Variants in ASAH1 observed in about 807,000 individuals in gnomAD.
ASAH1 encodes acid ceramidase.
Under a neutral mutation model 59.5 loss-of-function variants are expected in ASAH1, and 70 were observed. The ratio of observed to expected loss-of-function variants is 1.18; its 90% CI spans 0.97 to 1.43. ASAH1 has a LOEUF of 1.43. Among genes scored for constraint, ASAH1 ranks in the 40% most tolerant of loss-of-function variants. The pLI is 0.00. For missense variants in ASAH1, 660 were observed against 482.5 expected, an observed-to-expected ratio of 1.37 and a Z score of -3.45; for synonymous variants, 213 against 166.5, an observed-to-expected ratio of 1.28 and a Z score of -2.15.
rs191293538 is a variant in ASAH1 at position 18,075,516 on chromosome 8, T to C, written c.125+25A>G. 3 of 1,612,552 alleles carry C rather than the reference T, an allele frequency of 1.9e-6. No individual in the cohort carries two copies. The East Asian group carries it at 6.7e-5, about 36-fold the overall frequency. On this transcript the variant is annotated intron_variant, in intron 2 of 13. Transcript: ENST00000637790. The stretch of plus-strand genomic sequence containing the variant: ...AAAACTTCACAAAGGTCAAAGGGAG[T>C]TTTGATCATCTGATGTTTACTCACG...
intron 1 of ASAH1, among the ~76,000 whole-genome samples, chr8:18,080,848 G>A (rs749012329): frequency 6.6e-6 from 1 of 152,132 alleles, no homozygotes; most frequent in African/African-American, 2.4e-5. Context: ...ATGAGCCACC[G>A]CGCCCGGCCT....
chr8:18,061,631 C>A (rs1479457743), intron 9 of ASAH1, 55 bp downstream of exon 9: 31 of 1,552,336 alleles, frequency 2.0e-5, no homozygotes, highest in South Asian at 1.0e-4. Flanking sequence ...ACAGTCCAGC[C>A]TTCCTCATAA....
chr8:18,082,731 T>C (rs747903452), intron 1 of ASAH1: 2 of 152,156 alleles, frequency 1.3e-5, no homozygotes, highest in Non-Finnish European at 2.9e-5. Context: ...TCGCTCATGG[T>C]GTGTGGTCTC....
At chr8:18,067,350 TATATA>T (rs776924619) in intron 4 of ASAH1, 52 bp from the exon 5 acceptor site, 52 of 1,086,086 alleles carry the variant, frequency 4.8e-5, no homozygotes, top group African/African-American at 3.7e-4. Context: ...CAATAAAAAA[TATATA>T]ATATAATATA....
chr8:18,075,339 T>G lies in ASAH1; in HGVS notation c.125+202A>C, dbSNP rs529495116. 8 of 692,522 alleles carry G rather than the reference T, an allele frequency of 1.2e-5. No homozygotes were observed. The South Asian group carries it at 1.2e-4, about 11-fold the overall frequency. 42.9% of individuals were successfully genotyped at this position (692,522 alleles called of 1,614,324 possible). A position where few individuals can be genotyped will look rare whatever the true frequency, so the allele number is the denominator to read the frequency against. On this transcript the variant is annotated intron_variant, in intron 2 of 13. Coordinates refer to ENST00000637790, the MANE Select transcript of ASAH1 (RefSeq NM_177924.5). ...GATTTTGATAGTCTAGCGACGGGCA[T>G]TTGAATCGGAAGATATTTTCATATT...
chr8:18,057,459 C>T lies in ASAH1; in HGVS notation c.*75G>A. 2 of 1,194,798 alleles carry T rather than the reference C, an allele frequency of 1.7e-6. No homozygotes were observed. Among genetic ancestry groups the T allele is most frequent in the Non-Finnish European group, 2.4e-6 (2 of 821,444 alleles). The allele number at this position is 1,194,798 out of a possible 1,614,324, so 74.0% of individuals were successfully genotyped here. A position where few individuals can be genotyped will look rare whatever the true frequency, so the allele number is the denominator to read the frequency against. The stretch of plus-strand genomic sequence containing the variant: ...GAGTCTTAGTCTTTGGAAGGTCAGA[C>T]AGCTGCAGTGTTCGGTCACATGGAG... On this transcript the variant is annotated 3_prime_UTR_variant, in exon 14 of 14. Coordinates refer to ENST00000637790, the MANE Select transcript of ASAH1 (RefSeq NM_177924.5).
intron 10 of ASAH1, chr8:18,060,447 C>T (rs1410058512): frequency 1.3e-5 from 2 of 152,532 alleles, no homozygotes; most frequent in Non-Finnish European, 2.9e-5. Flanking sequence ...ATCTTCCACC[C>T]TTACTGTCCA....
At chr8:18,059,266 C>G in intron 12 of ASAH1, 75 bp downstream of exon 12, 2 of 1,606,104 alleles carry the variant, frequency 1.2e-6, no homozygotes, top group Non-Finnish European at 1.7e-6. Context: ...TACTTGAAGG[C>G]CAAAGAAAAA....
chr8:18,059,478 G>C lies in ASAH1; in HGVS notation c.918-14C>G, dbSNP rs2117018077. 1 of 1,614,130 alleles carries C rather than the reference G, an allele frequency of 6.2e-7. No individual in the cohort carries two copies. The highest frequency in any genetic ancestry group is 2.2e-5 in the East Asian group (1 of 44,876). On this transcript the variant is annotated splice_polypyrimidine_tract_variant and intron_variant, in intron 11 of 13. Coordinates refer to ENST00000637790, the MANE Select transcript of ASAH1 (RefSeq NM_177924.5). ...TTAGCATCGAGTCTAGATACAAAAG[G>C]AGAGATTCCCTCTTAGGCTACATGC... is the stretch of plus-strand genomic sequence containing the variant.
intron 13 of ASAH1, 93 bp from the exon 14 acceptor site, chr8:18,057,716 A>C: frequency 2.6e-6 from 2 of 782,250 alleles, no homozygotes; most frequent in Non-Finnish European, 2.0e-6. Context: ...AATTTGCTTT[A>C]GAAGTTATTT....
intron 1 of ASAH1, among the ~76,000 whole-genome samples, chr8:18,078,638 AATT>A (rs1163467679): frequency 6.6e-6 from 1 of 152,224 alleles, no homozygotes; most frequent in Non-Finnish European, 1.5e-5. Context: ...CCTAAAACAG[AATT>A]ATAATGAACT....
In ASAH1 at chr8:18,061,453, G is replaced by C; in HGVS notation, c.709C>G (p.Leu237Val). Residue 237 changes from leucine to valine, a missense_variant, in exon 10 of 14, where the codon CTA becomes GTA. Physicochemically the swap from Leu to Val is conservative, Grantham distance 32 (BLOSUM62 1). Coordinates refer to ENST00000637790, the MANE Select transcript of ASAH1 (RefSeq NM_177924.5). ...FSINGGYLGI[L>V]EWILGKKDVM... Reference sequence around the variant, plus strand: ...TCTTTCTTTCCCAGAATCCATTCTAGAATACCTGGAAGAGATGAACACAAT... The same window carrying C: ...TCTTTCTTTCCCAGAATCCATTCTACAATACCTGGAAGAGATGAACACAAT... 1 of 1,610,938 alleles carries C rather than the reference G, an allele frequency of 6.2e-7. No individual in the cohort carries two copies.
chr8:18,081,649 G>A (rs1239652968), intron 1 of ASAH1, among the ~76,000 whole-genome samples: 1 of 152,174 alleles, frequency 6.6e-6, no homozygotes, highest in Non-Finnish European at 1.5e-5. Context: ...ATTGTGAAAA[G>A]CCTCAAAAAC....
At chr8:18,070,212 C>T (rs1010906309) in intron 3 of ASAH1, among the ~76,000 whole-genome samples, 5 of 152,018 alleles carry the variant, frequency 3.3e-5, no homozygotes, top group East Asian at 1.9e-4. Context: ...TGCAATGGCA[C>T]GATCTCTGCT....
chr8:18,073,329 T>A lies in ASAH1; in HGVS notation c.126-1939A>T, dbSNP rs191876881. ...AACACTTAGCAGCATTGGTATTCAATCAACAGTAGTCATCACAATTTATTT... is the reference window on the plus strand; with the variant it reads ...AACACTTAGCAGCATTGGTATTCAAACAACAGTAGTCATCACAATTTATTT... On this transcript the variant is annotated intron_variant, in intron 2 of 13. Coordinates refer to ENST00000637790, the MANE Select transcript of ASAH1 (RefSeq NM_177924.5). 1.0e-4 allele frequency: 146 copies of A among 1,451,182 alleles called. No individual in the cohort carries two copies. The Middle Eastern group carries it at 1.1e-3, about 11-fold the overall frequency. 89.9% of individuals were successfully genotyped at this position (1,451,182 alleles called of 1,614,324 possible).
intron 5 of ASAH1, 124 bp downstream of exon 5, chr8:18,067,096 C>CATA (rs1799957490): frequency 1.3e-4 from 17 of 135,738 alleles, no homozygotes; most frequent in Non-Finnish European, 3.1e-4. Context: ...ATATCTAAGA[C>CATA]CTGTGCACCT....
intron 2 of ASAH1, 133 bp from the exon 3 acceptor site, chr8:18,071,523 TG>T: frequency 1.6e-6 from 1 of 627,232 alleles, no homozygotes; most frequent in South Asian, 1.6e-5. Context: ...AACCAAAATT[TG>T]GAAAGAAAGT....
intron 1 of ASAH1, among the ~76,000 whole-genome samples, chr8:18,079,238 A>G (rs1589004733): frequency 6.9e-6 from 1 of 144,740 alleles, no homozygotes; most frequent in Admixed American, 7.2e-5. Context: ...GTGTGACTGC[A>G]CTCCAGCCTG....
chr8:18,069,207 G>C (rs538783123), intron 4 of ASAH1, among the ~76,000 whole-genome samples: 2 of 149,504 alleles, frequency 1.3e-5, no homozygotes, highest in East Asian at 3.9e-4. Context: ...CTGCCATCAA[G>C]AGCAATGAGG....
Sources: allele counts gnomAD v4.1 joint callset (sites outside exome capture counted in the v4.1 genomes callset), GRCh38; gene constraint gnomAD v4.1.1; transcripts MANE v1.5; gene names NCBI Gene and HGNC (gene_info 2026-07-23, HGNC 2026-07-21).